Variants in NFIA observed in about 807,000 individuals in gnomAD.
NFIA encodes nuclear factor 1 A-type.
Under a neutral mutation model 62.8 loss-of-function variants are expected in NFIA, and 8 were observed. The ratio of observed to expected loss-of-function variants is 0.13; its 90% CI spans 0.07 to 0.23. The LOEUF is 0.23. Among genes scored for constraint, NFIA ranks in the 10% least tolerant of loss-of-function variants. The pLI is 1.00. For missense variants in NFIA, 410 were observed against 642.1 expected (o/e 0.64, Z 3.91); for synonymous variants, 235 against 238.1 (o/e 0.99, Z 0.12).
intron 9 of NFIA, among the ~76,000 whole-genome samples, chr1:61,413,821 T>G (rs1360080510): frequency 1.3e-5 from 2 of 151,660 alleles, no homozygotes; most frequent in South Asian, 2.1e-4. Flanking sequence ...GGAGACAGGG[T>G]TTCGCCATAT....
intron 7 of NFIA, among the ~76,000 whole-genome samples, chr1:61,387,795 A>AC (rs1664782288): frequency 6.6e-6 from 1 of 152,226 alleles, no homozygotes; most frequent in African/African-American, 2.4e-5. Context: ...GGAGACATTT[A>AC]TCCCCTCTCT....
chr1:61,250,269 A>G (rs1021892414), intron 2 of NFIA: 1 of 152,214 alleles, frequency 6.6e-6, no homozygotes, highest in Admixed American at 6.5e-5. Context: ...CAAAGGCAAT[A>G]ATGCCTTCTG....
chr1:61,370,183 G>A (rs547692118), intron 6 of NFIA, among the ~76,000 whole-genome samples: 2 of 152,326 alleles, frequency 1.3e-5, no homozygotes, highest in African/African-American at 2.4e-5. Flanking sequence ...GCTCAGCAGA[G>A]GATTACAATA....
chr1:61,193,882 A>G (rs1482319778), intron 2 of NFIA, among the ~76,000 whole-genome samples: 2 of 152,318 alleles, frequency 1.3e-5, no homozygotes, highest in Non-Finnish European at 2.9e-5. Flanking sequence ...ACACATTCTT[A>G]AGAGAATGCC....
chr1:61,268,704 T>C (rs1461904873), intron 2 of NFIA, among the ~76,000 whole-genome samples: 3 of 152,142 alleles, frequency 2.0e-5, no homozygotes, highest in Non-Finnish European at 4.4e-5. Flanking sequence ...AAATTAGATA[T>C]CTAAGCACAG....
intron 3 of NFIA, among the ~76,000 whole-genome samples, chr1:61,328,827 A>G (rs909630574): frequency 6.8e-6 from 1 of 146,058 alleles, no homozygotes; most frequent in African/African-American, 2.6e-5. Context: ...GGTTCAAATG[A>G]TTCTCCTGCC....
At chr1:61,192,634 C>T (rs139471088) in intron 2 of NFIA, among the ~76,000 whole-genome samples, 3,528 of 150,546 alleles carry the variant, frequency 0.023, 70 homozygotes, top group Non-Finnish European at 0.036. Context: ...ACTGGGGAGG[C>T]GGAGGTTGCA....
rs146452637 is a variant in NFIA, at chr1:61,284,719, T to C, written c.625+7134T>C. On this transcript the variant is annotated intron_variant, in intron 3 of 10. Coordinates refer to ENST00000403491, the MANE Select transcript of NFIA (RefSeq NM_001134673.4). ...CCAAAATAGGAAATGTTTTAGATCC[T>C]ATTCCCCTGATTTTCAGGTTCTAAA... is the stretch of plus-strand genomic sequence containing the variant. Among the ~76,000 whole-genome samples, 26 of 152,362 alleles carry C rather than the reference T, an allele frequency of 1.7e-4. No individual in the cohort carries two copies. The East Asian group carries it at 4.6e-3, about 27-fold the overall frequency.
intron 2 of NFIA, among the ~76,000 whole-genome samples, chr1:61,101,254 G>A (rs1203265888): frequency 6.6e-6 from 1 of 151,970 alleles, no homozygotes; most frequent in African/African-American, 2.4e-5. Context: ...AATTAGCCGG[G>A]TGTGGTGGTG....
Position 61,127,650 on chromosome 1 carries a change from A to G in NFIA, c.559+38970A>G, listed in dbSNP as rs140042467. ...AGATGCCTGACTAAATTAAAGTATT[A>G]AAGTATTTCTTGAATTCTCTTGATA... On this transcript the variant is annotated intron_variant, in intron 2 of 10. Coordinates refer to ENST00000403491, the MANE Select transcript of NFIA (RefSeq NM_001134673.4). 7.8e-3 allele frequency among the ~76,000 whole-genome samples: 1,185 copies of G among 152,298 alleles called. 19 individuals are homozygous for G. Among genetic ancestry groups the G allele is most frequent in the African/African-American group, 0.027 (1,103 of 41,560 alleles).
chr1:61,082,621 G>T lies in NFIA; in HGVS notation c.-171G>T. On this transcript the variant is annotated 5_prime_UTR_variant, in exon 1 of 11. Transcript: ENST00000403491. ...CTGGCTGGCTGGCTGCAGTTGAGCC[G>T]ACTTGGAAATGTGAACGCAAGAAGC... The T allele has an allele frequency of 6.6e-7, 1 of 1,504,900 alleles. No individual in the cohort carries two copies. Among genetic ancestry groups the T allele is most frequent in the South Asian group, 1.3e-5 (1 of 76,100 alleles). 93.2% of individuals were successfully genotyped at this position (1,504,900 alleles called of 1,614,324 possible). A position where few individuals can be genotyped will look rare whatever the true frequency, so the allele number is the denominator to read the frequency against.
chr1:61,436,065 A>G (rs1158113805), intron 10 of NFIA, among the ~76,000 whole-genome samples: 1 of 152,090 alleles, frequency 6.6e-6, no homozygotes, highest in Non-Finnish European at 1.5e-5. Flanking sequence ...ACCTGCTCCC[A>G]TGGGGCTGGG....
At chr1:61,362,822 T>G (rs942687292) in intron 6 of NFIA, among the ~76,000 whole-genome samples, 3 of 152,218 alleles carry the variant, frequency 2.0e-5, no homozygotes, top group Non-Finnish European at 4.4e-5. Context: ...TACGAAGCTT[T>G]GAAGCAAATC....
intron 4 of NFIA, among the ~76,000 whole-genome samples, chr1:61,350,799 C>T (rs1174950799): frequency 6.6e-6 from 1 of 152,186 alleles, no homozygotes; most frequent in Non-Finnish European, 1.5e-5. Context: ...CCTAGAAGTC[C>T]TCCATCCCTT....
At chr1:61,268,899 T>C (rs1210528078) in intron 2 of NFIA, among the ~76,000 whole-genome samples, 1 of 152,086 alleles carries the variant, frequency 6.6e-6, no homozygotes, top group African/African-American at 2.4e-5. Context: ...CATCCCTATA[T>C]TGAATGGACT....
chr1:61,136,560 T>C (rs1175232584), intron 2 of NFIA, among the ~76,000 whole-genome samples: 1 of 152,180 alleles, frequency 6.6e-6, no homozygotes, highest in Non-Finnish European at 1.5e-5. Context: ...TTAAAACCAA[T>C]TGCGAAACAT....
Position 61,299,351 on chromosome 1 carries a change from G to C in NFIA, c.625+21766G>C, listed in dbSNP as rs189094250. Among the ~76,000 whole-genome samples the C allele has an allele frequency of 4.0e-3, 614 of 152,114 alleles. 19 individuals carry two copies. Among genetic ancestry groups the C allele is most frequent in the Admixed American group, 0.038 (579 of 15,276 alleles). ...CTCAAGTGTTTGAAATCTTGATCTGGGTCTGTCTTAGGCTATACAGAAGAG... is the reference window on the plus strand; with the variant it reads ...CTCAAGTGTTTGAAATCTTGATCTGCGTCTGTCTTAGGCTATACAGAAGAG... On this transcript the variant is annotated intron_variant, in intron 3 of 10. Transcript: ENST00000403491.
At chr1:61,441,256 CT>C (rs1399034934) in intron 10 of NFIA, among the ~76,000 whole-genome samples, 1 of 151,366 alleles carries the variant, frequency 6.6e-6, no homozygotes, top group African/African-American at 2.4e-5. Context: ...CAGAAGTTCA[CT>C]TTGCAGGATT....
intron 2 of NFIA, among the ~76,000 whole-genome samples, chr1:61,150,260 C>CA (rs1346217730): frequency 1.3e-5 from 2 of 152,204 alleles, no homozygotes; most frequent in African/African-American, 4.8e-5. Context: ...CATGTCCCCC[C>CA]ATTGTGAGTT....
Sources: gnomAD v4.1 joint callset for allele counts (sites outside exome capture counted in the v4.1 genomes callset) on GRCh38, gnomAD v4.1.1 for gene constraint, MANE v1.5 for transcripts, NCBI Gene and HGNC (gene_info 2026-07-23, HGNC 2026-07-21) for gene names.